The following NCEH1 variants were observed in gnomAD, a reference collection of about 807,000 sequenced individuals.
NCEH1 encodes the protein 2-acetyl MAGE hydrolase.
Under a neutral mutation model 25.4 loss-of-function variants are expected in NCEH1, and 9 were observed. The ratio of observed to expected loss-of-function variants is 0.35; its 90% CI spans 0.21 to 0.62. The LOEUF (loss-of-function observed/expected upper bound fraction) is 0.62, where lower values mean the gene tolerates loss of function less well. Among genes scored for constraint, NCEH1 ranks in the 20% least tolerant of loss-of-function variants. The pLI is 0.72. For missense variants in NCEH1, 412 were observed against 501.1 expected, an observed-to-expected ratio of 0.82 and a Z score of 1.70; for synonymous variants, 200 against 199.8, an observed-to-expected ratio of 1.00 and a Z score of -0.01.
chr3:172,639,296 C>CAA (rs534734447), intron 3 of NCEH1, among the ~76,000 whole-genome samples: 5,478 of 95,064 alleles, frequency 0.058, 383 homozygotes, highest in African/African-American at 0.17. Flanking sequence ...GGCTCCGTCT[C>CAA]AAAAAAAAAA....
chr3:172,665,792 T>G (rs1050500126), intron 1 of NCEH1, among the ~76,000 whole-genome samples: 4 of 152,144 alleles, frequency 2.6e-5, no homozygotes, highest in Admixed American at 2.6e-4. Context: ...CGCCGAGCCA[T>G]GCGCGGGATA....
intron 2 of NCEH1, among the ~76,000 whole-genome samples, chr3:172,645,972 A>C (rs546487632): frequency 3.1e-4 from 47 of 152,362 alleles, no homozygotes; most frequent in Non-Finnish European, 6.6e-4. Context: ...GAAATGCACC[A>C]AATTAATCCT....
chr3:172,656,350 C>G (rs1717693283), intron 1 of NCEH1, among the ~76,000 whole-genome samples: 1 of 152,110 alleles, frequency 6.6e-6, no homozygotes, highest in South Asian at 2.1e-4. Flanking sequence ...ATCTGGAAAG[C>G]AGATGGAAGG....
chr3:172,696,602 T>C (rs537460352), intron 1 of NCEH1, among the ~76,000 whole-genome samples: 3 of 152,352 alleles, frequency 2.0e-5, no homozygotes, highest in African/African-American at 7.2e-5. Context: ...CCTTGGGTTA[T>C]GTCCTCTGTT....
intron 1 of NCEH1, among the ~76,000 whole-genome samples, chr3:172,684,205 C>T (rs371498996): frequency 5.9e-4 from 90 of 152,272 alleles, no homozygotes; most frequent in African/African-American, 2.1e-3. Flanking sequence ...TCAACACATG[C>T]TTGTGGAACA....
chr3:172,659,803 C>G (rs1261766266), intron 1 of NCEH1, among the ~76,000 whole-genome samples: 1 of 152,198 alleles, frequency 6.6e-6, no homozygotes, highest in Non-Finnish European at 1.5e-5. Context: ...TGCTTGACCA[C>G]TCTGGATCAA....
At chr3:172,646,182 C>T (rs908704915) in intron 2 of NCEH1, among the ~76,000 whole-genome samples, 1 of 152,026 alleles carries the variant, frequency 6.6e-6, no homozygotes, top group African/African-American at 2.4e-5. Flanking sequence ...CCAGATGCTG[C>T]CTCTATAAAA....
intron 1 of NCEH1, among the ~76,000 whole-genome samples, chr3:172,676,729 C>T (rs961575374): frequency 7.2e-5 from 11 of 152,280 alleles, no homozygotes; most frequent in African/African-American, 2.4e-4. Flanking sequence ...TCTAAACTGG[C>T]GCGAGACCAA....
chr3:172,648,060 T>C lies in NCEH1; in HGVS notation c.193A>G (p.Ile65Val). 4 of 1,614,040 alleles carry C rather than the reference T, an allele frequency of 2.5e-6. No homozygotes were observed. The highest frequency in any genetic ancestry group is 2.2e-5 in the East Asian group (1 of 44,870). The change falls in exon 2 of 5, where the codon ATC becomes GTC. Residue 65 changes from isoleucine (I) to valine (V), a missense_variant. Ile to Val is a conservative substitution (Grantham distance 29, BLOSUM62 3). Around this residue, in one of 3 missense-constraint regions of NCEH1, gnomAD observed 178 missense variants for 189.2 expected, o/e 0.94. Coordinates refer to ENST00000475381, the MANE Select transcript of NCEH1 (RefSeq NM_020792.6). Reference protein sequence around the residue: ...LSHHLLALNFIIVSFGKKSAW... With the variant: ...LSHHLLALNFVIVSFGKKSAW... The stretch of plus-strand genomic sequence containing the variant: ...CTTTTTTTGCCAAAAGAAACAATGA[T>C]AAAATTCAGTGCCAGCAGGTGATGG...
intron 1 of NCEH1, among the ~76,000 whole-genome samples, chr3:172,679,167 G>GA (rs1712201944): frequency 6.6e-6 from 1 of 152,208 alleles, no homozygotes; most frequent in African/African-American, 2.4e-5. Flanking sequence ...GTGGAATGCT[G>GA]AGAAAGGTAA....
chr3:172,657,129 C>T (rs1401004847), intron 1 of NCEH1, among the ~76,000 whole-genome samples: 1 of 152,132 alleles, frequency 6.6e-6, no homozygotes, highest in African/African-American at 2.4e-5. Flanking sequence ...TTTCATTCGA[C>T]TTCACAATTC....
At chr3:172,697,095 T>A (rs1713418690) in intron 1 of NCEH1, among the ~76,000 whole-genome samples, 1 of 151,612 alleles carries the variant, frequency 6.6e-6, no homozygotes, top group South Asian at 2.1e-4. Flanking sequence ...CAGCTAATTT[T>A]TTTTTTTTTT....
rs66551744 is a variant in NCEH1, at chr3:172,642,603, C to CAAA, written c.437+3017_437+3019dup. ...AAGGATTACTATCTTGCTATTTCTA[C>CAAA]AAAAAAAAAAAAAAAAAAAAAGAAA... is the stretch of plus-strand genomic sequence containing the variant. On this transcript the variant is annotated intron_variant, in intron 3 of 4. Transcript: ENST00000475381. Among the ~76,000 whole-genome samples the CAAA allele has an allele frequency of 5.2e-3, 428 of 82,892 alleles. 5 individuals carry two copies. Among genetic ancestry groups the CAAA allele is most frequent in the Non-Finnish European group, 6.2e-3 (265 of 42,684 alleles). 54.4% of individuals were successfully genotyped at this position (82,892 alleles called of 152,430 possible).
chr3:172,706,181 T>A (rs1428102567), intron 1 of NCEH1, among the ~76,000 whole-genome samples: 1 of 152,056 alleles, frequency 6.6e-6, no homozygotes, highest in Non-Finnish European at 1.5e-5. Context: ...TAAAAAAAGC[T>A]TTAAAATAAT....
intron 1 of NCEH1, among the ~76,000 whole-genome samples, chr3:172,657,191 A>AC (rs1448181036): frequency 6.6e-6 from 1 of 152,170 alleles, no homozygotes; most frequent in African/African-American, 2.4e-5. Flanking sequence ...GGAAGTATTT[A>AC]CCAGCAGCCT....
chr3:172,684,387 C>A (rs1203943462), intron 1 of NCEH1, among the ~76,000 whole-genome samples: 1 of 152,040 alleles, frequency 6.6e-6, no homozygotes, highest in Admixed American at 6.6e-5. Flanking sequence ...TTAGCAAATA[C>A]CCAAGAAGAA....
At chr3:172,645,563 G>T in intron 3 of NCEH1, 60 bp downstream of exon 3, 2 of 1,042,022 alleles carry the variant, frequency 1.9e-6, no homozygotes, top group South Asian at 1.5e-5. Context: ...AAAGTAACCA[G>T]ACTGTTATCT....
chr3:172,639,290 C>A (rs1207504567), intron 3 of NCEH1, among the ~76,000 whole-genome samples: 6 of 135,388 alleles, frequency 4.4e-5, no homozygotes, highest in African/African-American at 1.8e-4. Context: ...GAGTGAGGCT[C>A]CGTCTCAAAA....
At chr3:172,666,660 C>A (rs1317484236) in intron 1 of NCEH1, among the ~76,000 whole-genome samples, 2 of 152,182 alleles carry the variant, frequency 1.3e-5, no homozygotes, top group Non-Finnish European at 2.9e-5. Context: ...GGTGCATTGG[C>A]CAGGAATTCA....
Sources: gnomAD v4.1 joint callset for allele counts (sites outside exome capture counted in the v4.1 genomes callset) on GRCh38, gnomAD v4.1.1 for gene constraint, gnomAD v4.1.1 regional missense constraint, MANE v1.5 for transcripts, NCBI Gene and HGNC (gene_info 2026-07-23, HGNC 2026-07-21) for gene names.